POM121: variants seen among roughly 807,000 people sequenced by gnomAD.
POM121 encodes POM121 transmembrane nucleoporin.
Under a neutral mutation model 81.3 loss-of-function variants are expected in POM121, and 32 were observed. The ratio of observed to expected loss-of-function variants is 0.39; its 90% CI spans 0.30 to 0.53. The LOEUF is 0.53. Ranked by LOEUF, POM121 falls within the 20% of genes least tolerant of loss-of-function variation. The pLI is 0.66. For synonymous variants in POM121, 514 were observed against 694.2 expected (o/e 0.74, Z 4.08); for missense variants, 1,138 against 1,614.6 (o/e 0.70, Z 5.06).
intron 1 of POM121, among the ~76,000 whole-genome samples, chr7:72,887,788 T>G (rs1320896827): frequency 6.6e-6 from 1 of 152,014 alleles, no homozygotes; most frequent in Non-Finnish European, 1.5e-5. Context: ...GATTGTGCCA[T>G]TGCACTCCAG....
At chr7:72,896,800 T>C (rs1791999513) in intron 3 of POM121, among the ~76,000 whole-genome samples, 1 of 152,226 alleles carries the variant, frequency 6.6e-6, no homozygotes, top group Non-Finnish European at 1.5e-5. Context: ...GTCACATTCA[T>C]TCACAAAATA....
Position 72,938,819 on chromosome 7 carries a change from C to T in POM121, c.1367+138C>T, listed in dbSNP as rs1195131025. 6.0e-6 allele frequency: 6 copies of T among 1,004,506 alleles called. No homozygotes were observed. The African/African-American group carries it at 8.0e-5, about 13-fold the overall frequency. The allele number at this position is 1,004,506 out of a possible 1,614,324, so 62.2% of individuals were successfully genotyped here. A position where few individuals can be genotyped will look rare whatever the true frequency, so the allele number is the denominator to read the frequency against. ...AAGAAACTTAAGTCCCTGAGAGGTA[C>T]AATGCAGTACCCACCCGAAGTGCTG... On this transcript the variant is annotated intron_variant, in intron 6 of 12. Coordinates refer to ENST00000434423, the MANE Select transcript of POM121 (RefSeq NM_001387691.1).
chr7:72,924,885 C>T (rs1795193688), upstream of POM121: 2 of 594,378 alleles, frequency 3.4e-6, no homozygotes. Context: ...GGACGCGATC[C>T]TTCCACGGGA....
Position 72,940,093 on chromosome 7 carries a change from A to G in POM121, c.1563+125A>G, listed in dbSNP as rs1796921032. 5.6e-6 allele frequency: 7 copies of G among 1,246,764 alleles called. No homozygotes were observed. The South Asian group carries it at 1.1e-4, about 20-fold the overall frequency. The allele number at this position is 1,246,764 out of a possible 1,614,324, so 77.2% of individuals were successfully genotyped here. ...TTTTGTTTTTGTTTTTTGAGACAAC[A>G]TCCCTCTGTCACCCAGGCTGGAGTG... On this transcript the variant is annotated intron_variant, in intron 8 of 12. Coordinates refer to ENST00000434423, the MANE Select transcript of POM121 (RefSeq NM_001387691.1).
intron 1 of POM121, among the ~76,000 whole-genome samples, chr7:72,881,058 C>T (rs1269051789): frequency 2.8e-5 from 2 of 71,142 alleles, no homozygotes; most frequent in African/African-American, 7.7e-5. Flanking sequence ...CATGCTTCCC[C>T]TATCACTCTT....
chr7:72,898,221 G>A (rs1452554297), intron 3 of POM121, among the ~76,000 whole-genome samples: 3 of 152,140 alleles, frequency 2.0e-5, no homozygotes, highest in Non-Finnish European at 2.9e-5. Flanking sequence ...GGTCTTGCAC[G>A]TGTCAGGTTT....
chr7:72,925,010 C>T, upstream of POM121: 2 of 1,326,840 alleles, frequency 1.5e-6, no homozygotes, highest in South Asian at 2.0e-5. Context: ...CGCTGCCGGG[C>T]GGTAGCGTCT....
intron 4 of POM121, among the ~76,000 whole-genome samples, chr7:72,917,898 T>G (rs1346548435): frequency 6.6e-6 from 1 of 152,168 alleles, no homozygotes; most frequent in Non-Finnish European, 1.5e-5. Context: ...GTGAGTCATC[T>G]CCAATGATAG....
chr7:72,879,836 G>C (rs879962401), exon 1 of POM121: 12 of 508,778 alleles, frequency 2.4e-5, no homozygotes, highest in Non-Finnish European at 3.9e-5. Flanking sequence ...ACAGCAGCCC[G>C]CCCCGGCCTC....
chr7:72,931,633 C>T (rs541376199), intron 5 of POM121, among the ~76,000 whole-genome samples: 8 of 150,118 alleles, frequency 5.3e-5, no homozygotes, highest in Non-Finnish European at 7.4e-5. Flanking sequence ...CACAGTGGTG[C>T]GACCTTGACT....
rs1791680203 is a variant in POM121, at chr7:72,894,623, A to G, written c.-216+3513A>G. On this transcript the variant is annotated intron_variant, in intron 3 of 15. Transcript: ENST00000395270. ...CTAGAGAGAGAGAGAGATGAGAGAG[A>G]GAGGAGAGAGAGAGAGAGAGAGAGA... 1.9e-5 allele frequency among the ~76,000 whole-genome samples: 2 copies of G among 106,420 alleles called. 1 individual carries two copies. The highest frequency in any genetic ancestry group is 3.7e-5 in the Non-Finnish European group (2 of 54,574). The allele number at this position is 106,420 out of a possible 152,430, so 69.8% of individuals were successfully genotyped here.
chr7:72,902,494 TA>T (rs1315143783), intron 3 of POM121, among the ~76,000 whole-genome samples: 1 of 151,972 alleles, frequency 6.6e-6, no homozygotes, highest in African/African-American at 2.4e-5. Flanking sequence ...TTTCCTTTTT[TA>T]TTTTTTTCTA....
intron 3 of POM121, among the ~76,000 whole-genome samples, chr7:72,902,505 A>G (rs1224502999): frequency 1.3e-5 from 2 of 149,850 alleles, no homozygotes; most frequent in African/African-American, 2.5e-5. Flanking sequence ...ATTTTTTTCT[A>G]TAAGCTTTAG....
chr7:72,943,777 C>T (rs1435229915), intron 11 of POM121, among the ~76,000 whole-genome samples: 2 of 152,258 alleles, frequency 1.3e-5, no homozygotes, highest in African/African-American at 4.8e-5. Context: ...GTGGCTCACG[C>T]TTGTAATCCC....
chr7:72,895,467 C>T (rs1345261614), intron 3 of POM121, among the ~76,000 whole-genome samples: 7 of 152,204 alleles, frequency 4.6e-5, no homozygotes, highest in Non-Finnish European at 1.0e-4. Context: ...CTGTTCTTTG[C>T]ATTCTCACTG....
rs1160845346 is a variant in POM121 at position 72,925,121 on chromosome 7, G to C, written c.-1G>C. On this transcript the variant is annotated 5_prime_UTR_variant, in exon 1 of 13. Transcript: ENST00000434423. ...AGTCTCCTCCGCGGCGCGGAGCCGCGATGTCTCCGGCGGCTGCGGCGGCTG... is the reference window on the plus strand; with the variant it reads ...AGTCTCCTCCGCGGCGCGGAGCCGCCATGTCTCCGGCGGCTGCGGCGGCTG... The C allele has an allele frequency of 8.5e-6, 12 of 1,418,980 alleles. No homozygotes were observed. Among genetic ancestry groups the C allele is most frequent in the Admixed American group, 6.9e-5 (2 of 29,016 alleles). 87.9% of individuals were successfully genotyped at this position (1,418,980 alleles called of 1,614,324 possible).
chr7:72,931,463 T>C (rs1796013357), intron 5 of POM121, among the ~76,000 whole-genome samples: 1 of 152,212 alleles, frequency 6.6e-6, no homozygotes, highest in South Asian at 2.1e-4. Context: ...TATTCCAAAT[T>C]CAAATTTATG....
chr7:72,922,766 T>C (rs1554496217), upstream of POM121, among the ~76,000 whole-genome samples: 1 of 152,196 alleles, frequency 6.6e-6, no homozygotes, highest in Non-Finnish European at 1.5e-5. Context: ...TGTTCATCTC[T>C]TGAACTCTAA....
At chr7:72,898,535 G>A (rs1271494319) in intron 3 of POM121, among the ~76,000 whole-genome samples, 15 of 152,146 alleles carry the variant, frequency 9.9e-5, no homozygotes, top group Admixed American at 2.0e-4. Context: ...GTTGGCTCAC[G>A]CCTGTAATCC....
Sources: gnomAD v4.1 joint callset for allele counts (sites outside exome capture counted in the v4.1 genomes callset) on GRCh38, gnomAD v4.1.1 for gene constraint, MANE v1.5 for transcripts, NCBI Gene and HGNC (gene_info 2026-07-23, HGNC 2026-07-21) for gene names.